The following FER variants were observed in gnomAD, a reference collection of about 807,000 sequenced individuals.
The protein encoded by FER is tyrosine-protein kinase Fer.
A neutral mutation model predicts 111.0 loss-of-function variants in FER; 63 were observed. The observed-to-expected ratio is 0.57, with a 90% confidence interval of 0.46 to 0.70. The LOEUF is 0.70. Ranked by LOEUF, FER falls within the 30% of genes least tolerant of loss-of-function variation. The pLI is 0.00. For missense variants in FER, 914 were observed against 954.0 expected (o/e 0.96, Z 0.55); for synonymous variants, 327 against 313.9 (o/e 1.04, Z -0.44).
At chr5:108,761,644 A>G (rs1751763800) in intron 1 of FER, among the ~76,000 whole-genome samples, 2 of 152,232 alleles carry the variant, frequency 1.3e-5, no homozygotes, top group South Asian at 2.1e-4. Flanking sequence ...AATGGTGCCA[A>G]TAGAGTTGCT....
At chr5:108,783,659 A>G (rs1384661821) in intron 2 of FER, among the ~76,000 whole-genome samples, 1 of 152,006 alleles carries the variant, frequency 6.6e-6, no homozygotes, top group Non-Finnish European at 1.5e-5. Flanking sequence ...TGTGCTTCCA[A>G]TGATAGTTTA....
At chr5:109,035,055 T>TA (rs1304782403) in intron 13 of FER, among the ~76,000 whole-genome samples, 2 of 148,348 alleles carry the variant, frequency 1.3e-5, no homozygotes, top group African/African-American at 2.5e-5. Context: ...TTTTTTTTTT[T>TA]ACTGAGTCTC....
chr5:109,135,647 C>T (rs1412794336), intron 17 of FER, among the ~76,000 whole-genome samples: 1 of 152,116 alleles, frequency 6.6e-6, no homozygotes, highest in Non-Finnish European at 1.5e-5. Context: ...CTCACCAAAA[C>T]TCTCTAAAAA....
At chr5:109,038,229 A>C (rs1049048455) in intron 14 of FER, among the ~76,000 whole-genome samples, 3 of 150,770 alleles carry the variant, frequency 2.0e-5, no homozygotes, top group Non-Finnish European at 2.9e-5. Flanking sequence ...TCAGTGACTT[A>C]ATTAGTGATT....
intron 13 of FER, among the ~76,000 whole-genome samples, chr5:108,968,785 A>G (rs182951022): frequency 3.3e-5 from 5 of 152,220 alleles, no homozygotes; most frequent in East Asian, 1.9e-4. Flanking sequence ...AATATAATCA[A>G]TACAAACTCA....
At chr5:108,895,948 G>A (rs1040496958) in intron 9 of FER, among the ~76,000 whole-genome samples, 2 of 151,060 alleles carry the variant, frequency 1.3e-5, no homozygotes, top group African/African-American at 4.9e-5. Flanking sequence ...ATTTTTCCTG[G>A]TAGTCTTTAT....
intron 12 of FER, 60 bp downstream of exon 12, chr5:108,954,992 A>G: frequency 7.2e-7 from 1 of 1,390,194 alleles, no homozygotes; most frequent in Non-Finnish European, 9.8e-7. Flanking sequence ...GTACAATTAT[A>G]TTAAAATAAC....
In FER at chr5:108,754,360, T is replaced by C. The variant is rs115802233; in HGVS notation, c.-206+6360T>C. Among the ~76,000 whole-genome samples, 322 of 149,040 alleles carry C rather than the reference T, an allele frequency of 2.2e-3. 1 individual carries two copies. The highest frequency in any genetic ancestry group is 7.7e-3 in the African/African-American group (309 of 40,032). On this transcript the variant is annotated intron_variant, in intron 1 of 19. Coordinates refer to ENST00000281092, the MANE Select transcript of FER (RefSeq NM_005246.4). ...AGTTCAATACTGCATTGAGCTATGA[T>C]TGCAGCACTGTGCTTCGGCCTGGGC...
chr5:109,004,251 C>T (rs569077768), intron 13 of FER, among the ~76,000 whole-genome samples: 3 of 152,184 alleles, frequency 2.0e-5, no homozygotes, highest in Non-Finnish European at 4.4e-5. Flanking sequence ...TTTAAGCCCT[C>T]ATCAGCCTCC....
intron 13 of FER, among the ~76,000 whole-genome samples, chr5:109,016,268 C>G (rs892993351): frequency 5.3e-5 from 8 of 151,504 alleles, no homozygotes; most frequent in African/African-American, 1.9e-4. Context: ...TAATCCATCC[C>G]AATTCTATAG....
intron 16 of FER, among the ~76,000 whole-genome samples, chr5:109,098,325 A>G (rs1436246453): frequency 6.6e-6 from 1 of 151,836 alleles, no homozygotes; most frequent in Non-Finnish European, 1.5e-5. Flanking sequence ...AGTACAAAGT[A>G]TTATATCAAG....
intron 1 of FER, among the ~76,000 whole-genome samples, chr5:108,751,889 A>T (rs1580363129): frequency 6.6e-6 from 1 of 152,252 alleles, no homozygotes; most frequent in East Asian, 1.9e-4. Flanking sequence ...TATACCCGAG[A>T]AATTTGTGTA....
chr5:109,175,589 T>C (rs534467511), intron 17 of FER, among the ~76,000 whole-genome samples: 5 of 152,140 alleles, frequency 3.3e-5, no homozygotes, highest in Admixed American at 6.5e-5. Context: ...AAAACAAAAA[T>C]AGACAAATGG....
At chr5:108,750,924 G>A (rs1306835877) in intron 1 of FER, among the ~76,000 whole-genome samples, 1 of 152,218 alleles carries the variant, frequency 6.6e-6, no homozygotes, top group Non-Finnish European at 1.5e-5. Context: ...CGGGCGCGGT[G>A]GCTCATGCCT....
chr5:109,025,699 A>G (rs566538307), intron 13 of FER, among the ~76,000 whole-genome samples: 66 of 151,864 alleles, frequency 4.3e-4, no homozygotes, highest in African/African-American at 1.3e-3. Context: ...GTCTTGTGCC[A>G]GTTTTCAAAG....
chr5:109,116,770 C>CAA (rs1227922655), intron 17 of FER, among the ~76,000 whole-genome samples: 3 of 152,102 alleles, frequency 2.0e-5, no homozygotes, highest in African/African-American at 7.2e-5. Flanking sequence ...TAAGTAAAGA[C>CAA]AAACATAGTT....
chr5:109,118,439 TTCA>T (rs1316219251), intron 17 of FER, among the ~76,000 whole-genome samples: 2 of 152,214 alleles, frequency 1.3e-5, no homozygotes, highest in African/African-American at 4.8e-5. Flanking sequence ...TGCATCAATG[TTCA>T]TCATGGATAT....
chr5:109,082,667 C>T (rs1475967093), intron 16 of FER, among the ~76,000 whole-genome samples: 1 of 151,804 alleles, frequency 6.6e-6, no homozygotes, highest in Non-Finnish European at 1.5e-5. Context: ...CATTAAAACC[C>T]CAAGTGTTTG....
At chr5:109,170,231 TC>T (rs1403849708) in intron 17 of FER, among the ~76,000 whole-genome samples, 1 of 152,134 alleles carries the variant, frequency 6.6e-6, no homozygotes, top group Admixed American at 6.6e-5. Flanking sequence ...CATATTTTAG[TC>T]CTCCCAATAT....
Sources: gnomAD v4.1 joint callset for allele counts (sites outside exome capture counted in the v4.1 genomes callset) on GRCh38, gnomAD v4.1.1 for gene constraint, MANE v1.5 for transcripts, NCBI Gene and HGNC (gene_info 2026-07-23, HGNC 2026-07-21) for gene names.